Variants in PLCG2 observed in about 807,000 individuals in gnomAD.
The protein encoded by PLCG2 is phospholipase C gamma 2.
Under a neutral mutation model 175.6 loss-of-function variants are expected in PLCG2, and 69 were observed. The ratio of observed to expected loss-of-function variants is 0.39; its 90% CI spans 0.32 to 0.48. The LOEUF (loss-of-function observed/expected upper bound fraction) is 0.48, where lower values mean the gene tolerates loss of function less well. PLCG2 is among the 20% of genes least tolerant of loss of function. PLCG2 has a pLI of 0.91. For missense variants in PLCG2, 1,798 were observed against 1,650.9 expected (o/e 1.09, Z -1.54); for synonymous variants, 827 against 624.0 (o/e 1.33, Z -4.85).
intron 2 of PLCG2, among the ~76,000 whole-genome samples, chr16:81,759,723 C>T (rs950076015): frequency 2.0e-5 from 3 of 152,234 alleles, no homozygotes; most frequent in African/African-American, 7.2e-5. Context: ...TATATATGGA[C>T]ATATACTTGT....
chr16:81,864,299 C>G (rs1210625743), intron 5 of PLCG2, among the ~76,000 whole-genome samples: 1 of 152,186 alleles, frequency 6.6e-6, no homozygotes, highest in African/African-American at 2.4e-5. Context: ...CGCTGTCCAG[C>G]AGGGCACCCC....
At chr16:81,846,129 A>C (rs1442988693) in intron 2 of PLCG2, among the ~76,000 whole-genome samples, 1 of 152,164 alleles carries the variant, frequency 6.6e-6, no homozygotes, top group East Asian at 1.9e-4. Context: ...CGTGGCTCAC[A>C]GGTGCCCCTT....
intron 31 of PLCG2, among the ~76,000 whole-genome samples, chr16:81,946,997 G>C (rs1352792975): frequency 6.6e-6 from 1 of 152,108 alleles, no homozygotes; most frequent in Non-Finnish European, 1.5e-5. Context: ...AACCAGTGCT[G>C]CTTCTCTCTA....
chr16:81,792,805 C>T (rs139774559), intron 2 of PLCG2, among the ~76,000 whole-genome samples: 1,944 of 152,204 alleles, frequency 0.013, 16 homozygotes, highest in Non-Finnish European at 0.019. Context: ...CCTCCTATGA[C>T]ACATGAGGAT....
intron 18 of PLCG2, among the ~76,000 whole-genome samples, chr16:81,911,790 CTTTTT>C (rs35027472): frequency 4.5e-5 from 3 of 67,240 alleles, no homozygotes; most frequent in African/African-American, 1.9e-4. Context: ...TTTGTATTTC[CTTTTT>C]TTTTTTTTTT....
In PLCG2 at chr16:81,961,865, G is replaced by T; in HGVS notation, c.*3867G>T. 5.0e-6 allele frequency: 1 copy of T among 200,302 alleles called. No individual in the cohort carries two copies. The highest frequency in any genetic ancestry group is 1.0e-5 in the Non-Finnish European group (1 of 97,168). 12.4% of individuals were successfully genotyped at this position (200,302 alleles called of 1,614,324 possible). Reference sequence around the variant, plus strand: ...ATGTCAATATAGCAATGTGCAAGAAGATAGAGATTTTCAAAATTCACTTAA... The same window carrying T: ...ATGTCAATATAGCAATGTGCAAGAATATAGAGATTTTCAAAATTCACTTAA... On this transcript the variant is annotated 3_prime_UTR_variant, in exon 33 of 33. Transcript: ENST00000564138.
Position 81,847,490 on chromosome 16 carries a change from A to G in PLCG2, c.194-6954A>G, listed in dbSNP as rs1906186735. Among the ~76,000 whole-genome samples the G allele has an allele frequency of 4.0e-5, 6 of 151,590 alleles. No homozygotes were observed. The South Asian group carries it at 1.3e-3, about 32-fold the overall frequency. On this transcript the variant is annotated intron_variant, in intron 2 of 32. Transcript: ENST00000564138. ...ACATCGTTGGTTCCCCTGGCAGCCA[A>G]CCTTCATCCTGAGGTATCTAGGAGC...
chr16:81,905,741 C>G (rs1014172640), intron 15 of PLCG2, among the ~76,000 whole-genome samples: 3 of 152,208 alleles, frequency 2.0e-5, no homozygotes, highest in Non-Finnish European at 4.4e-5. Context: ...TCACTGCAGC[C>G]TTGACCTCCC....
In PLCG2 at chr16:81,937,739, C is replaced by T. The variant is rs202166689; in HGVS notation, c.3053-19C>T. 8.9e-5 allele frequency: 144 copies of T among 1,610,250 alleles called. 1 individual carries two copies. The East Asian group carries it at 1.1e-3, about 12-fold the overall frequency. On this transcript the variant is annotated intron_variant, in intron 27 of 32. Coordinates refer to ENST00000564138, the MANE Select transcript of PLCG2 (RefSeq NM_002661.5). ...GTGCTCATGCCTGACTTACAGCAGGCGTTCACTTTCCTTCCCAGATAAGTA... is the reference window on the plus strand; with the variant it reads ...GTGCTCATGCCTGACTTACAGCAGGTGTTCACTTTCCTTCCCAGATAAGTA...
At chr16:81,780,226 G>C (rs1457036780) in intron 1 of PLCG2, among the ~76,000 whole-genome samples, 1 of 152,178 alleles carries the variant, frequency 6.6e-6, no homozygotes, top group Admixed American at 6.5e-5. Flanking sequence ...TTGAATTTCA[G>C]TTCCATCAGT....
intron 18 of PLCG2, among the ~76,000 whole-genome samples, chr16:81,911,719 T>C (rs1909631750): frequency 1.3e-5 from 2 of 151,886 alleles, no homozygotes; most frequent in Admixed American, 6.6e-5. Flanking sequence ...CAAGAGATTC[T>C]TGTGCCTCAG....
intron 3 of PLCG2, 89 bp downstream of exon 3, chr16:81,854,676 C>T (rs1597356336): frequency 1.1e-5 from 13 of 1,174,526 alleles, no homozygotes; most frequent in South Asian, 1.1e-4. Flanking sequence ...TCACCCCTGC[C>T]TGCTCACTGA....
chr16:81,774,689 G>A (rs1225237796), upstream of PLCG2, among the ~76,000 whole-genome samples: 2 of 152,206 alleles, frequency 1.3e-5, no homozygotes, highest in East Asian at 1.9e-4. Context: ...TGCCTTTGGA[G>A]GTGGTGGTGG....
chr16:81,834,714 G>T (rs532407240), intron 2 of PLCG2, among the ~76,000 whole-genome samples: 1 of 152,306 alleles, frequency 6.6e-6, no homozygotes, highest in South Asian at 2.1e-4. Context: ...GGGTGGGGAG[G>T]AGAACCCACT....
intron 1 of PLCG2, among the ~76,000 whole-genome samples, chr16:81,752,729 C>G (rs1909837686): frequency 6.6e-6 from 1 of 152,240 alleles, no homozygotes; most frequent in African/African-American, 2.4e-5. Flanking sequence ...ACGAGGCCCA[C>G]TCCTTGCACG....
intron 2 of PLCG2, among the ~76,000 whole-genome samples, chr16:81,835,041 G>A (rs913343103): frequency 6.6e-6 from 1 of 151,746 alleles, no homozygotes; most frequent in Non-Finnish European, 1.5e-5. Flanking sequence ...CTCAGTGGGA[G>A]GAGGTGGAGG....
At chr16:81,792,188 A>G (rs1355834422) in intron 2 of PLCG2, among the ~76,000 whole-genome samples, 4 of 152,200 alleles carry the variant, frequency 2.6e-5, no homozygotes, top group Non-Finnish European at 4.4e-5. Context: ...GTGCTAATAA[A>G]GACATACTCC....
intron 2 of PLCG2, among the ~76,000 whole-genome samples, chr16:81,791,534 T>C (rs1369188012): frequency 6.6e-6 from 1 of 152,114 alleles, no homozygotes; most frequent in Non-Finnish European, 1.5e-5. Flanking sequence ...ACCTTAGTGG[T>C]GATGGCTGGA....
chr16:81,908,517 G>C lies in PLCG2; in HGVS notation c.1659G>C (p.Glu553Asp), dbSNP rs757363172. Residue 553 changes from glutamate to aspartate, a missense_variant, in exon 17 of 33, where the codon GAG becomes GAC. By Grantham distance (45) the Glu-to-Asp change is conservative. Transcript: ENST00000564138. ...AGTTGCTGCAGGAATACTGCATGGAGACGGGGGGCAAGGATGGCACCTTCC... is the reference window on the plus strand; with the variant it reads ...AGTTGCTGCAGGAATACTGCATGGACACGGGGGGCAAGGATGGCACCTTCC... ...AEKLLQEYCM[E>D]TGGKDGTFLV... 1.5e-5 allele frequency: 24 copies of C among 1,613,868 alleles called. No homozygotes were observed. The South Asian group carries it at 2.4e-4, about 16-fold the overall frequency.
Sources: gnomAD v4.1 joint callset for allele counts (sites outside exome capture counted in the v4.1 genomes callset) on GRCh38, gnomAD v4.1.1 for gene constraint, MANE v1.5 for transcripts, NCBI Gene and HGNC (gene_info 2026-07-23, HGNC 2026-07-21) for gene names.